RUFY3: variants seen among roughly 807,000 people sequenced by gnomAD.
The protein encoded by RUFY3 is RUN and FYVE domain containing 3, also known as protein RUFY3.
In RUFY3, 34 loss-of-function variants were observed where a neutral mutation model predicts 84.0. The observed-to-expected ratio is 0.40, with a 90% CI of 0.31 to 0.54. The LOEUF (loss-of-function observed/expected upper bound fraction) is 0.54, where lower values mean the gene tolerates loss of function less well. Ranked by LOEUF, RUFY3 falls within the 20% of genes least tolerant of loss-of-function variation. The pLI, the probability that RUFY3 is intolerant of heterozygous loss-of-function variation, is 0.39. For synonymous variants in RUFY3, 242 were observed against 252.9 expected, an observed-to-expected ratio of 0.96 and a Z score of 0.41; for missense variants, 507 against 736.8, an observed-to-expected ratio of 0.69 and a Z score of 3.61.
intron 1 of RUFY3, among the ~76,000 whole-genome samples, chr4:70,727,232 A>G (rs1718407498): frequency 6.7e-6 from 1 of 149,666 alleles, no homozygotes; most frequent in African/African-American, 2.5e-5. Context: ...TATTACTGAG[A>G]TGAAGTGGTA....
chr4:70,736,125 C>A (rs1720241827), intron 1 of RUFY3, among the ~76,000 whole-genome samples: 1 of 143,588 alleles, frequency 7.0e-6, no homozygotes, highest in South Asian at 2.2e-4. Flanking sequence ...CAGTGCTCCA[C>A]TGGGTGGCAG....
At chr4:70,739,284 T>C (rs1304962234) in intron 1 of RUFY3, among the ~76,000 whole-genome samples, 1 of 152,226 alleles carries the variant, frequency 6.6e-6, no homozygotes, top group Non-Finnish European at 1.5e-5. Context: ...CTAATTTTTT[T>C]TCCTGTTTTT....
At chr4:70,757,430 C>A (rs1240973086) in intron 1 of RUFY3, among the ~76,000 whole-genome samples, 1 of 152,066 alleles carries the variant, frequency 6.6e-6, no homozygotes, top group Non-Finnish European at 1.5e-5. Flanking sequence ...TATGGTGAGA[C>A]CCTGTCTCTA....
upstream of RUFY3, chr4:70,704,710 G>A (rs1389117640): frequency 6.5e-6 from 2 of 308,068 alleles, no homozygotes. Flanking sequence ...CGGTAGCGAG[G>A]CCGCGCCGTC....
chr4:70,807,487 T>C lies in RUFY3; in HGVS notation c.*828T>C, dbSNP rs1329575733. Among the ~76,000 whole-genome samples, 4 of 152,164 alleles carry C rather than the reference T, an allele frequency of 2.6e-5. No homozygotes were observed. The highest frequency in any genetic ancestry group is 9.7e-5 in the African/African-American group (4 of 41,436). ...GTTTGGCTTTTGCAAATAGAAGATA[T>C]TGATTAAAGCAAAGTCAAATATAGA... On this transcript the variant is annotated 3_prime_UTR_variant, in exon 18 of 18. Transcript: ENST00000381006.
intron 1 of RUFY3, among the ~76,000 whole-genome samples, chr4:70,756,932 C>G (rs1340319381): frequency 6.6e-6 from 1 of 151,978 alleles, no homozygotes; most frequent in African/African-American, 2.4e-5. Flanking sequence ...ATGTAGAAAA[C>G]TAACATTTCC....
intron 17 of RUFY3, 108 bp downstream of exon 17, chr4:70,804,524 G>A: frequency 1.2e-6 from 1 of 869,466 alleles, no homozygotes; most frequent in Non-Finnish European, 1.9e-6. Flanking sequence ...CAGAGTGCAT[G>A]CAGAGTGCTG....
intron 1 of RUFY3, among the ~76,000 whole-genome samples, chr4:70,759,638 C>G (rs1304290704): frequency 1.3e-5 from 2 of 152,174 alleles, no homozygotes; most frequent in African/African-American, 4.8e-5. Flanking sequence ...ACATTCCCAC[C>G]AACAGTGTAT....
intron 1 of RUFY3, among the ~76,000 whole-genome samples, chr4:70,751,584 C>CT (rs1337608891): frequency 6.6e-6 from 1 of 152,126 alleles, no homozygotes; most frequent in East Asian, 1.9e-4. Context: ...TTTGCCCATT[C>CT]TTTTTTACTA....
intron 15 of RUFY3, 44 bp from the exon 16 acceptor site, chr4:70,802,912 C>T: frequency 1.4e-6 from 2 of 1,448,774 alleles, no homozygotes; most frequent in East Asian, 2.3e-5. Context: ...AATGAAAATA[C>T]ATGAAGTTCC....
intron 1 of RUFY3, chr4:70,734,227 A>G (rs773737621): frequency 4.5e-5 from 9 of 199,976 alleles, no homozygotes; most frequent in Non-Finnish European, 8.1e-5. Context: ...AGAAGCATTT[A>G]CAGCATTTGA....
At chr4:70,721,503 A>G (rs1468459711), upstream of RUFY3, among the ~76,000 whole-genome samples, 3 of 152,034 alleles carry the variant, frequency 2.0e-5, no homozygotes, top group African/African-American at 4.8e-5. Context: ...CAAGAATAAG[A>G]TATTTAAATT....
At chr4:70,778,786 G>C (rs974859001) in intron 8 of RUFY3, among the ~76,000 whole-genome samples, 2 of 151,778 alleles carry the variant, frequency 1.3e-5, no homozygotes, top group Non-Finnish European at 2.9e-5. Flanking sequence ...CTCCATGTTA[G>C]TCAGGCTGGT....
Position 70,804,517 on chromosome 4 carries a change from A to C in RUFY3, c.1719+101A>C, listed in dbSNP as rs1180595760. 4.3e-6 allele frequency: 4 copies of C among 935,826 alleles called. No homozygotes were observed. In the African/African-American group the frequency reaches 6.5e-5, roughly 15 times the overall value. 58.0% of individuals were successfully genotyped at this position (935,826 alleles called of 1,614,324 possible). On this transcript the variant is annotated intron_variant, in intron 17 of 17. Transcript: ENST00000381006. ...AGGGACTTTCCCGCATAGAGTGCAG[A>C]GTGCATGCAGAGTGCTGGGAGTGGG...
At chr4:70,806,429 G>T in intron 17 of RUFY3, 87 bp from the exon 18 acceptor site, 1 of 1,433,908 alleles carries the variant, frequency 7.0e-7, no homozygotes. Context: ...TAGGCATTGA[G>T]CATTTGCCAT....
chr4:70,721,924 G>T, upstream of RUFY3: 3 of 1,231,614 alleles, frequency 2.4e-6, no homozygotes, highest in Non-Finnish European at 3.0e-6. Flanking sequence ...CTTGCCCTAC[G>T]TTCAGAGCAG....
intron 12 of RUFY3, chr4:70,791,154 T>G: frequency 7.9e-7 from 1 of 1,260,456 alleles, no homozygotes; most frequent in Non-Finnish European, 1.2e-6. Flanking sequence ...ATTCTCTTGC[T>G]ATTTTTGTGT....
chr4:70,717,358 C>T (rs1226361008), upstream of RUFY3, among the ~76,000 whole-genome samples: 1 of 152,066 alleles, frequency 6.6e-6, no homozygotes, highest in African/African-American at 2.4e-5. Context: ...ATTTTATCTA[C>T]CCTTTGTGAG....
At chr4:70,727,594 G>A (rs999923314) in intron 1 of RUFY3, among the ~76,000 whole-genome samples, 3 of 151,404 alleles carry the variant, frequency 2.0e-5, no homozygotes, top group African/African-American at 4.8e-5. Context: ...GACCTCAGGC[G>A]ATCCACCCAC....
Sources: allele counts gnomAD v4.1 joint callset (sites outside exome capture counted in the v4.1 genomes callset), GRCh38; gene constraint gnomAD v4.1.1; transcripts MANE v1.5; gene names NCBI Gene and HGNC (gene_info 2026-07-23, HGNC 2026-07-21).